Variants in FANCD2 observed in about 807,000 individuals in gnomAD.
The protein encoded by FANCD2 is Fanconi anemia group D2 protein.
A neutral mutation model predicts 192.3 loss-of-function variants in FANCD2; 131 were observed. That is an observed-to-expected ratio of 0.68 (90% CI 0.59 to 0.79). FANCD2 has a LOEUF of 0.79. Among genes scored for constraint, FANCD2 ranks in the 30% least tolerant of loss-of-function variants. The pLI is 0.00. For missense variants in FANCD2, 1,508 were observed against 1,701.6 expected (o/e 0.89, Z 2.00); for synonymous variants, 524 against 612.5 (o/e 0.86, Z 2.13).
intron 37 of FANCD2, 54 bp downstream of exon 37, chr3:10,090,439 G>C (rs1694521349): frequency 5.9e-6 from 4 of 681,442 alleles, no homozygotes; most frequent in African/African-American, 2.0e-5. Context: ...CTTGGAAGTT[G>C]CTGATTTTTT....
rs56169295 is a variant in FANCD2 at position 10,065,104 on chromosome 3, C to T, written c.2168+229C>T. ...TATTCTGAGATTACTTTCTGGCCAA[C>T]GTGGCGAAACACTGTCTCTACTAAA... On this transcript the variant is annotated intron_variant, in intron 23 of 43. Transcript: ENST00000675286. 8.1e-3 allele frequency among the ~76,000 whole-genome samples: 1,227 copies of T among 152,214 alleles called. 18 individuals carry two copies. Among genetic ancestry groups the T allele is most frequent in the African/African-American group, 0.028 (1,150 of 41,516 alleles).
chr3:10,100,925 C>T (rs989102567), intron 43 of FANCD2, among the ~76,000 whole-genome samples: 5 of 152,000 alleles, frequency 3.3e-5, no homozygotes, highest in Non-Finnish European at 7.4e-5. Context: ...AAAAATTAGC[C>T]GGGCGTGGTG....
intron 33 of FANCD2, among the ~76,000 whole-genome samples, chr3:10,086,488 A>G (rs1694211247): frequency 6.6e-6 from 1 of 151,590 alleles, no homozygotes; most frequent in Non-Finnish European, 1.5e-5. Flanking sequence ...TCAGGACCTT[A>G]TATCTTCTTT....
At chr3:10,101,165 T>C (rs751481349) in intron 43 of FANCD2, 23 bp from the exon 44 acceptor site, 4 of 1,586,416 alleles carry the variant, frequency 2.5e-6, no homozygotes, top group South Asian at 2.2e-5. Context: ...AAAATGCTTA[T>C]TTATTTATTC....
Position 10,094,752 on chromosome 3 carries a change from A to G in FANCD2, c.3963+389A>G. ...GTGTCATAAAACCCTTTGCTGTGGT[A>G]ATGAACAGTCTTGACAGTTTTTTAG... On this transcript the variant is annotated intron_variant, in intron 40 of 43. Transcript: ENST00000675286. 3 of 322,564 alleles carry G rather than the reference A, an allele frequency of 9.3e-6. No individual in the cohort carries two copies. The South Asian group carries it at 9.5e-5, about 10-fold the overall frequency. The allele number at this position is 322,564 out of a possible 1,614,324, so 20.0% of individuals were successfully genotyped here.
intron 8 of FANCD2, 140 bp downstream of exon 8, chr3:10,039,497 A>T (rs1029683655): frequency 3.2e-6 from 3 of 930,278 alleles, no homozygotes; most frequent in African/African-American, 3.4e-5. Context: ...TCATAATTTG[A>T]GAATCATAGA....
At chr3:10,077,563 A>T (rs1693604383) in intron 29 of FANCD2, among the ~76,000 whole-genome samples, 1 of 144,816 alleles carries the variant, frequency 6.9e-6, no homozygotes, top group Admixed American at 6.8e-5. Context: ...TCAAAAAAAA[A>T]ATTTTTTTTT....
At chr3:10,087,302 A>G (rs759314164) in intron 34 of FANCD2, 38 bp downstream of exon 34, 44 of 1,141,782 alleles carry the variant, frequency 3.9e-5, no homozygotes, top group Non-Finnish European at 4.9e-5. Flanking sequence ...TTTTTTTTTA[A>G]TGAATAGGAC....
intron 40 of FANCD2, chr3:10,094,753 A>T (rs1261844566): frequency 1.2e-5 from 4 of 322,900 alleles, no homozygotes; most frequent in Non-Finnish European, 2.4e-5. Context: ...TGCTGTGGTA[A>T]TGAACAGTCT....
chr3:10,051,472 G>C (rs371167683), intron 17 of FANCD2, among the ~76,000 whole-genome samples: 4 of 144,534 alleles, frequency 2.8e-5, no homozygotes, highest in African/African-American at 1.0e-4. Flanking sequence ...TGGAGGCAGA[G>C]GCTATTGGCT....
chr3:10,073,500 A>G, intron 28 of FANCD2, 138 bp downstream of exon 28: 1 of 773,516 alleles, frequency 1.3e-6, no homozygotes, highest in South Asian at 1.4e-5. Context: ...CGTTGGAGTA[A>G]TCTCCTTAGT....
rs7626117 is a variant in FANCD2 at position 10,098,987 on chromosome 3, G to A, written c.4281+172G>A. ...CTTATATAATTTTTGGGACCCAGAAGAAACAACGACACAATCTTAGAATCA... is the reference window on the plus strand; with the variant it reads ...CTTATATAATTTTTGGGACCCAGAAAAAACAACGACACAATCTTAGAATCA... On this transcript the variant is annotated intron_variant, in intron 43 of 43. Transcript: ENST00000675286. 0.21 allele frequency: 342,063 copies of A among 1,613,564 alleles called. 49,051 individuals are homozygous for A. The highest frequency in any genetic ancestry group is 0.76 in the African/African-American group (56,761 of 74,926).
chr3:10,058,161 G>T, intron 18 of FANCD2: 1 of 354,466 alleles, frequency 2.8e-6, no homozygotes, highest in Non-Finnish European at 5.5e-6. Flanking sequence ...CCAGTGGCCT[G>T]ACCTGTCTTC....
At chr3:10,098,204 C>T (rs1218967294) in intron 42 of FANCD2, among the ~76,000 whole-genome samples, 1 of 152,076 alleles carries the variant, frequency 6.6e-6, no homozygotes, top group Non-Finnish European at 1.5e-5. Flanking sequence ...ACTATTGTTT[C>T]TGCATAAAAA....
At position 10,069,613 on chromosome 3, in the gene FANCD2, C is replaced by T. The variant is rs1215442186; in HGVS notation, c.2494+2296C>T. Among the ~76,000 whole-genome samples, 9 of 151,982 alleles carry T rather than the reference C, an allele frequency of 5.9e-5. No homozygotes were observed. The East Asian group carries it at 9.7e-4, about 16-fold the overall frequency. On this transcript the variant is annotated intron_variant, in intron 26 of 43. Transcript: ENST00000675286. ...AGTGCCTGCGATTGCAGGCGCGCGC[C>T]GCCACGCCTGACTGGTTTTCGTACT...
chr3:10,054,620 A>T (rs1452253979), intron 18 of FANCD2, among the ~76,000 whole-genome samples: 5 of 147,022 alleles, frequency 3.4e-5, no homozygotes, highest in Non-Finnish European at 6.0e-5. Flanking sequence ...AGTAGCTGGG[A>T]CTACAGGCGC....
chr3:10,068,627 GA>G (rs2087785134), intron 26 of FANCD2, among the ~76,000 whole-genome samples: 1 of 148,378 alleles, frequency 6.7e-6, no homozygotes, highest in Admixed American at 6.7e-5. Flanking sequence ...ATTCTTCACA[GA>G]AATAGAAAAA....
chr3:10,055,961 C>A (rs1457818051), intron 18 of FANCD2, among the ~76,000 whole-genome samples: 1 of 152,184 alleles, frequency 6.6e-6, no homozygotes, highest in African/African-American at 2.4e-5. Flanking sequence ...TTACCGCAAC[C>A]TCTGCCTCCT....
intron 9 of FANCD2, chr3:10,040,523 C>T (rs895307407): frequency 8.8e-6 from 4 of 456,592 alleles, no homozygotes; most frequent in Non-Finnish European, 1.3e-5. Flanking sequence ...CATCTACCTT[C>T]TTTGGGTTCC....
Sources: gnomAD v4.1 joint callset for allele counts (sites outside exome capture counted in the v4.1 genomes callset) on GRCh38, gnomAD v4.1.1 for gene constraint, MANE v1.5 for transcripts, NCBI Gene and HGNC (gene_info 2026-07-23, HGNC 2026-07-21) for gene names.